The following ATP8A2 variants were observed in gnomAD, a reference collection of about 807,000 sequenced individuals.
The protein encoded by ATP8A2 is phospholipid-transporting ATPase IB.
A neutral mutation model predicts 165.6 loss-of-function variants in ATP8A2; 100 were observed. That is an observed-to-expected ratio of 0.60 (90% CI 0.51 to 0.71). The LOEUF is 0.71. ATP8A2 is among the 30% of genes least tolerant of loss of function. ATP8A2 has a pLI of 0.00. For synonymous variants in ATP8A2, 543 were observed against 548.8 expected, an observed-to-expected ratio of 0.99 and a Z score of 0.15; for missense variants, 1,227 against 1,479.5, an observed-to-expected ratio of 0.83 and a Z score of 2.80.
At chr13:25,787,580 G>A (rs544561132) in intron 27 of ATP8A2, among the ~76,000 whole-genome samples, 1 of 152,326 alleles carries the variant, frequency 6.6e-6, no homozygotes, top group South Asian at 2.1e-4. Flanking sequence ...TTAAAAAATG[G>A]GGATCAGTTT....
intron 2 of ATP8A2, among the ~76,000 whole-genome samples, chr13:25,508,943 T>C (rs533187735): frequency 3.0e-4 from 45 of 152,316 alleles, no homozygotes; most frequent in African/African-American, 1.1e-3. Flanking sequence ...AGGAGACATG[T>C]TTTGGGGACC....
chr13:25,415,211 G>A (rs896879110), intron 1 of ATP8A2, among the ~76,000 whole-genome samples: 1 of 152,188 alleles, frequency 6.6e-6, no homozygotes, highest in African/African-American at 2.4e-5. Context: ...GTATATTACA[G>A]TTAGCATATC....
intron 25 of ATP8A2, among the ~76,000 whole-genome samples, chr13:25,709,073 A>G (rs9507553): frequency 0.15 from 22,775 of 152,136 alleles, 1,815 homozygotes; most frequent in South Asian, 0.19. Flanking sequence ...AATTGTCGCC[A>G]GTGGTTTAGT....
At chr13:25,902,029 A>C (rs1401057316) in intron 33 of ATP8A2, among the ~76,000 whole-genome samples, 2 of 152,252 alleles carry the variant, frequency 1.3e-5, no homozygotes, top group Admixed American at 1.3e-4. Flanking sequence ...TTCGGGATCC[A>C]TTAAGTAGCC....
At chr13:25,409,726 G>A (rs1427803821) in intron 1 of ATP8A2, among the ~76,000 whole-genome samples, 1 of 152,108 alleles carries the variant, frequency 6.6e-6, no homozygotes, top group Non-Finnish European at 1.5e-5. Flanking sequence ...TGCCAGTAGA[G>A]GTAATAGAAT....
At chr13:25,484,134 T>C (rs2036285678) in intron 2 of ATP8A2, among the ~76,000 whole-genome samples, 1 of 152,188 alleles carries the variant, frequency 6.6e-6, no homozygotes, top group African/African-American at 2.4e-5. Flanking sequence ...CATGTGTGGA[T>C]TGGTGTTAAA....
At chr13:25,756,213 A>G (rs775137994) in intron 25 of ATP8A2, among the ~76,000 whole-genome samples, 2 of 152,114 alleles carry the variant, frequency 1.3e-5, no homozygotes, top group Non-Finnish European at 2.9e-5. Flanking sequence ...CCTTTCATCC[A>G]TCTTTATCAT....
intron 33 of ATP8A2, among the ~76,000 whole-genome samples, chr13:25,941,379 C>A (rs1955067687): frequency 6.6e-6 from 1 of 152,132 alleles, no homozygotes; most frequent in African/African-American, 2.4e-5. Flanking sequence ...AGCCCTCTTT[C>A]CTCACAGGCT....
At chr13:25,554,781 A>G (rs893539939) in intron 12 of ATP8A2, among the ~76,000 whole-genome samples, 1 of 152,092 alleles carries the variant, frequency 6.6e-6, no homozygotes, top group Non-Finnish European at 1.5e-5. Context: ...GCTGGTCTCG[A>G]ACTCCTGACT....
chr13:25,561,106 T>G (rs1035022213), intron 15 of ATP8A2, among the ~76,000 whole-genome samples: 1 of 152,098 alleles, frequency 6.6e-6, no homozygotes, highest in Non-Finnish European at 1.5e-5. Flanking sequence ...AGGATGGTCT[T>G]GATCTCCTGA....
intron 2 of ATP8A2, among the ~76,000 whole-genome samples, chr13:25,487,909 TAAC>T (rs908657379): frequency 2.0e-4 from 30 of 152,210 alleles, no homozygotes; most frequent in African/African-American, 7.2e-4. Flanking sequence ...GAACAAAACA[TAAC>T]AAGTACATGA....
Position 25,438,846 on chromosome 13 carries a change from A to G in ATP8A2, c.77-30131A>G, listed in dbSNP as rs375697439. On this transcript the variant is annotated intron_variant, in intron 1 of 36. Transcript: ENST00000381655. The stretch of plus-strand genomic sequence containing the variant: ...GAAGAATTTTTTACCCCATATGCCT[A>G]TGTGACACGGTGTGTCATAAATGAA... 3.9e-5 allele frequency among the ~76,000 whole-genome samples: 6 copies of G among 152,260 alleles called. No individual in the cohort carries two copies. The East Asian group carries it at 5.8e-4, about 15-fold the overall frequency.
chr13:25,382,881 G>A (rs1403862902), intron 1 of ATP8A2, among the ~76,000 whole-genome samples: 8 of 140,776 alleles, frequency 5.7e-5, no homozygotes, highest in South Asian at 4.7e-4. Flanking sequence ...TCAGCCTCCC[G>A]AGTAGCTGGG....
intron 1 of ATP8A2, among the ~76,000 whole-genome samples, chr13:25,376,828 A>C (rs538545561): frequency 7.8e-4 from 119 of 152,290 alleles, no homozygotes; most frequent in African/African-American, 2.7e-3. Context: ...ATCACAGGAG[A>C]ATTTAAATGT....
At chr13:25,746,982 G>C (rs947235249) in intron 25 of ATP8A2, among the ~76,000 whole-genome samples, 7 of 152,180 alleles carry the variant, frequency 4.6e-5, no homozygotes, top group Non-Finnish European at 8.8e-5. Context: ...GGGAAACACA[G>C]AGCCTATGGT....
chr13:25,500,495 A>C (rs1269375597), intron 2 of ATP8A2, among the ~76,000 whole-genome samples: 1 of 152,244 alleles, frequency 6.6e-6, no homozygotes, highest in African/African-American at 2.4e-5. Context: ...TGGAGTGCTC[A>C]TACAGTGTTA....
chr13:25,765,899 C>T (rs932019838), intron 25 of ATP8A2, among the ~76,000 whole-genome samples: 1 of 152,174 alleles, frequency 6.6e-6, no homozygotes, highest in Non-Finnish European at 1.5e-5. Flanking sequence ...TGTTCCACTC[C>T]TGAGATTTTC....
At chr13:25,587,556 G>C (rs2039958635) in intron 23 of ATP8A2, among the ~76,000 whole-genome samples, 1 of 152,186 alleles carries the variant, frequency 6.6e-6, no homozygotes, top group Admixed American at 6.5e-5. Context: ...AAAAATTACA[G>C]CCAGCTTCTG....
At chr13:25,718,259 A>G (rs1180438686) in intron 25 of ATP8A2, among the ~76,000 whole-genome samples, 1 of 152,220 alleles carries the variant, frequency 6.6e-6, no homozygotes, top group African/African-American at 2.4e-5. Flanking sequence ...AGATTTACGT[A>G]AGTTCCTTGA....
Sources: allele counts gnomAD v4.1 joint callset (sites outside exome capture counted in the v4.1 genomes callset), GRCh38; gene constraint gnomAD v4.1.1; transcripts MANE v1.5; gene names NCBI Gene and HGNC (gene_info 2026-07-23, HGNC 2026-07-21).